ICA1: variants seen among roughly 807,000 people sequenced by gnomAD.
ICA1 encodes the protein islet cell autoantigen 1, also known as 69 kDa islet cell autoantigen.
Under a neutral mutation model 71.0 loss-of-function variants are expected in ICA1, and 40 were observed. The ratio of observed to expected loss-of-function variants is 0.56; its 90% CI spans 0.44 to 0.73. ICA1 has a LOEUF of 0.73. Among genes scored for constraint, ICA1 ranks in the 30% least tolerant of loss-of-function variants. The pLI is 0.00. For synonymous variants in ICA1, 207 were observed against 209.5 expected (o/e 0.99, Z 0.10); for missense variants, 578 against 576.5 (o/e 1.00, Z -0.03).
Position 8,138,984 on chromosome 7 carries a change from C to T in ICA1, c.1018+1G>A, listed in dbSNP as rs755550154. ...GAGTAGTTTTCCTTAATCTAGGTTA[C>T]CTGAGCATGCAGTATGTGTAGAGCC... On this transcript the variant is annotated splice_donor_variant, in intron 11 of 13. Transcript: ENST00000402384. LOFTEE classifies it high-confidence loss of function. 3 of 1,611,650 alleles carry T rather than the reference C, an allele frequency of 1.9e-6. No individual in the cohort carries two copies. In the South Asian group the frequency reaches 3.3e-5, roughly 18 times the overall value.
At chr7:8,131,866 G>A (rs745395012) in intron 12 of ICA1, among the ~76,000 whole-genome samples, 1 of 152,214 alleles carries the variant, frequency 6.6e-6, no homozygotes, top group African/African-American at 2.4e-5. Flanking sequence ...ATGCAGAGAT[G>A]TGATAAGCTC....
intron 2 of ICA1, 113 bp from the exon 3 acceptor site, chr7:8,232,868 A>C: frequency 1.1e-6 from 1 of 902,444 alleles, no homozygotes; most frequent in Non-Finnish European, 1.6e-6. Flanking sequence ...CATTTACAAC[A>C]TTGATAAACG....
At chr7:8,210,919 C>T (rs929705859) in intron 6 of ICA1, among the ~76,000 whole-genome samples, 5 of 147,546 alleles carry the variant, frequency 3.4e-5, no homozygotes, top group Non-Finnish European at 7.5e-5. Context: ...CCAGGAGCTC[C>T]AGCGAGAGAC....
chr7:8,260,728 A>T (rs1197101567), intron 1 of ICA1, among the ~76,000 whole-genome samples: 1 of 152,268 alleles, frequency 6.6e-6, no homozygotes. Flanking sequence ...TTTCAAAAAT[A>T]AAGACTGAAA....
chr7:8,151,262 A>G (rs1056147042), intron 8 of ICA1, among the ~76,000 whole-genome samples: 4 of 152,210 alleles, frequency 2.6e-5, no homozygotes, highest in African/African-American at 9.7e-5. Context: ...GGGATGGAGA[A>G]GCAACATGCC....
chr7:8,148,933 C>T (rs1797919910), intron 8 of ICA1, among the ~76,000 whole-genome samples: 1 of 152,164 alleles, frequency 6.6e-6, no homozygotes, highest in African/African-American at 2.4e-5. Context: ...CTCTAGACTG[C>T]TCTCCCCGAC....
chr7:8,128,804 A>G (rs183810001), intron 12 of ICA1, among the ~76,000 whole-genome samples: 23 of 152,242 alleles, frequency 1.5e-4, no homozygotes, highest in African/African-American at 5.5e-4. Context: ...GGAGCTTCAC[A>G]GGCTAGAGAC....
intron 6 of ICA1, among the ~76,000 whole-genome samples, chr7:8,164,697 T>A (rs1050944258): frequency 6.6e-6 from 1 of 152,196 alleles, no homozygotes; most frequent in Non-Finnish European, 1.5e-5. Context: ...AATTTTAAGA[T>A]CACTGAATAT....
At chr7:8,218,787 G>C (rs547699372) in intron 5 of ICA1, 37 of 453,724 alleles carry the variant, frequency 8.2e-5, no homozygotes, top group South Asian at 7.8e-4. Flanking sequence ...CCTGGGCTGA[G>C]TGCTCATTTG....
chr7:8,216,567 C>T (rs1795448974), intron 6 of ICA1, among the ~76,000 whole-genome samples: 1 of 113,202 alleles, frequency 8.8e-6, no homozygotes, highest in African/African-American at 3.7e-5. Flanking sequence ...TTAGTAACCA[C>T]CCCCACAAAA....
chr7:8,163,276 C>T (rs550405018), intron 6 of ICA1, among the ~76,000 whole-genome samples: 1 of 152,248 alleles, frequency 6.6e-6, no homozygotes, highest in African/African-American at 2.4e-5. Flanking sequence ...TCAGTTCAAT[C>T]TGGCTTTTCT....
In ICA1 at chr7:8,223,178, A is replaced by G. The variant is rs1797636059; in HGVS notation, c.257-1780T>C. 6.6e-6 allele frequency among the ~76,000 whole-genome samples: 1 copy of G among 152,164 alleles called. No individual in the cohort carries two copies. ...TAATATGTGCCTCACTCAATTCCAC[A>G]ATGAATCTTTCCCTATGGAAAGCAA... is the stretch of plus-strand genomic sequence containing the variant. On this transcript the variant is annotated intron_variant, in intron 4 of 13. Coordinates refer to ENST00000402384, the MANE Select transcript of ICA1 (RefSeq NM_001136020.3). The surrounding 1 kb of genome is among the most constrained non-coding windows in gnomAD (Gnocchi z 4.1).
intron 8 of ICA1, among the ~76,000 whole-genome samples, chr7:8,152,179 A>AG (rs1799035185): frequency 6.6e-6 from 1 of 152,060 alleles, no homozygotes; most frequent in Non-Finnish European, 1.5e-5. Flanking sequence ...AAAGCCAGGC[A>AG]GGGGGTGGGT....
chr7:8,225,230 TATTA>T (rs768161898), intron 4 of ICA1, among the ~76,000 whole-genome samples: 40 of 152,348 alleles, frequency 2.6e-4, no homozygotes, highest in Non-Finnish European at 4.9e-4. Flanking sequence ...TCATTCTTTC[TATTA>T]ATTAACTGAA....
At chr7:8,244,388 A>G (rs1000370763) in intron 1 of ICA1, among the ~76,000 whole-genome samples, 13 of 152,198 alleles carry the variant, frequency 8.5e-5, no homozygotes, top group Non-Finnish European at 1.5e-4. Flanking sequence ...CCTTCCTTAC[A>G]CTTTATACAA....
chr7:8,118,444 C>T (rs867921580), intron 13 of ICA1, among the ~76,000 whole-genome samples: 20 of 152,140 alleles, frequency 1.3e-4, no homozygotes, highest in African/African-American at 4.8e-4. Flanking sequence ...TAAAGTTACC[C>T]GAAATCCTTG....
intron 1 of ICA1, among the ~76,000 whole-genome samples, chr7:8,237,528 A>G (rs1471705673): frequency 6.6e-6 from 1 of 152,178 alleles, no homozygotes; most frequent in Non-Finnish European, 1.5e-5. Flanking sequence ...TTTGTTGTAC[A>G]ACAGATCTCT....
chr7:8,251,398 A>G (rs889212173), intron 1 of ICA1, among the ~76,000 whole-genome samples: 28 of 150,302 alleles, frequency 1.9e-4, no homozygotes, highest in African/African-American at 6.9e-4. Flanking sequence ...CTTAGTCATC[A>G]CTTCAGCGAT....
intron 12 of ICA1, among the ~76,000 whole-genome samples, chr7:8,133,531 G>C (rs1470621024): frequency 6.6e-6 from 1 of 152,222 alleles, no homozygotes; most frequent in South Asian, 2.1e-4. Flanking sequence ...TTACAGGCAT[G>C]AGCCCTTTTC....
Sources: gnomAD v4.1 joint callset for allele counts (sites outside exome capture counted in the v4.1 genomes callset) on GRCh38, gnomAD v4.1.1 for gene constraint, Gnocchi (gnomAD v3.1) non-coding constraint, MANE v1.5 for transcripts, NCBI Gene and HGNC (gene_info 2026-07-23, HGNC 2026-07-21) for gene names.